GRIK3: variants seen among roughly 807,000 people sequenced by gnomAD.
GRIK3 encodes glutamate ionotropic receptor kainate type subunit 3, also known as glutamate receptor ionotropic, kainate 3.
Under a neutral mutation model 102.5 loss-of-function variants are expected in GRIK3, and 29 were observed. That is an observed-to-expected ratio of 0.28 (90% CI 0.21 to 0.39). The LOEUF is 0.39. Among genes scored for constraint, GRIK3 ranks in the 10% least tolerant of loss-of-function variants. The probability of loss-of-function intolerance (pLI) is 1.00; values close to 1 mark genes in which losing one functional copy is unlikely to be tolerated. For synonymous variants in GRIK3, 511 were observed against 504.9 expected, an observed-to-expected ratio of 1.01 and a Z score of -0.16; for missense variants, 908 against 1,252.4, an observed-to-expected ratio of 0.73 and a Z score of 4.15.
At chr1:36,924,495 A>T (rs377373155) in intron 1 of GRIK3, among the ~76,000 whole-genome samples, 2,259 of 151,848 alleles carry the variant, frequency 0.015, 27 homozygotes, top group South Asian at 0.038. Context: ...TGGAGAGGGG[A>T]GGGGGAGTGG....
intron 3 of GRIK3, among the ~76,000 whole-genome samples, chr1:36,875,567 C>T (rs1310112200): frequency 1.3e-5 from 2 of 152,218 alleles, no homozygotes; most frequent in Non-Finnish European, 2.9e-5. Flanking sequence ...CTCTCTCGCC[C>T]CTCTGCAATT....
intron 1 of GRIK3, among the ~76,000 whole-genome samples, chr1:36,903,041 C>T (rs1232379036): frequency 6.6e-6 from 1 of 152,144 alleles, no homozygotes; most frequent in African/African-American, 2.4e-5. Context: ...CTGTCTGCCT[C>T]GGCCTCCCAA....
At chr1:36,833,690 G>C (rs562947832) in intron 10 of GRIK3, among the ~76,000 whole-genome samples, 61 of 152,350 alleles carry the variant, frequency 4.0e-4, no homozygotes, top group Middle Eastern at 3.4e-3. Flanking sequence ...CGGGGGCAAT[G>C]GTAGTGTGTC....
chr1:36,857,407 T>C (rs529253268), intron 7 of GRIK3, among the ~76,000 whole-genome samples: 1 of 152,318 alleles, frequency 6.6e-6, no homozygotes, highest in Admixed American at 6.5e-5. Context: ...CTGTGCAGTT[T>C]TGAGGGATGG....
intron 1 of GRIK3, among the ~76,000 whole-genome samples, chr1:36,931,643 T>A (rs1182316475): frequency 6.6e-6 from 1 of 151,984 alleles, no homozygotes; most frequent in Non-Finnish European, 1.5e-5. Context: ...AGTAGAAGAG[T>A]GTTTTTCTTT....
chr1:36,898,230 G>T (rs1485394070), intron 1 of GRIK3, among the ~76,000 whole-genome samples: 1 of 152,082 alleles, frequency 6.6e-6, no homozygotes, highest in Non-Finnish European at 1.5e-5. Context: ...GCACAACAGG[G>T]TGACTATAAT....
chr1:37,015,532 AT>A, intron 1 of GRIK3, among the ~76,000 whole-genome samples: 1 of 152,274 alleles, frequency 6.6e-6, no homozygotes, highest in South Asian at 2.1e-4. Flanking sequence ...TGCTTTGTTC[AT>A]TACTAAATCT....
At chr1:36,951,149 A>G (rs1641839383) in intron 1 of GRIK3, among the ~76,000 whole-genome samples, 2 of 152,170 alleles carry the variant, frequency 1.3e-5, no homozygotes, top group South Asian at 4.1e-4. Flanking sequence ...GTTCAGTGTC[A>G]CCTGCTGCAG....
chr1:36,837,517 G>A (rs1370100700), intron 10 of GRIK3, among the ~76,000 whole-genome samples: 1 of 152,088 alleles, frequency 6.6e-6, no homozygotes, highest in East Asian at 1.9e-4. Flanking sequence ...CACTCGCCCT[G>A]TTTGGGTCCC....
chr1:36,967,038 T>G (rs967552485), intron 1 of GRIK3, among the ~76,000 whole-genome samples: 1 of 152,216 alleles, frequency 6.6e-6, no homozygotes, highest in African/African-American at 2.4e-5. Context: ...GAATTATTAC[T>G]AAGTATCAGG....
intron 1 of GRIK3, among the ~76,000 whole-genome samples, chr1:36,925,056 T>G (rs1399435628): frequency 6.6e-6 from 1 of 152,248 alleles, no homozygotes; most frequent in Admixed American, 6.5e-5. Context: ...GACAGTATCA[T>G]GCACCCATTA....
At chr1:36,998,786 A>C (rs1642444897) in intron 1 of GRIK3, among the ~76,000 whole-genome samples, 1 of 152,140 alleles carries the variant, frequency 6.6e-6, no homozygotes, top group South Asian at 2.1e-4. Flanking sequence ...TTTGAATTTC[A>C]GTTTGAGGCA....
chr1:36,859,651 C>G (rs977488730), intron 6 of GRIK3, among the ~76,000 whole-genome samples, 193 bp downstream of exon 6: 1 of 152,186 alleles, frequency 6.6e-6, no homozygotes, highest in African/African-American at 2.4e-5. Flanking sequence ...GGATCCCCAT[C>G]AGATGGGTCC....
chr1:36,825,753 A>G lies in GRIK3; in HGVS notation c.1604T>C (p.Phe535Ser). Reference protein sequence around the residue: ...REKAIDFSKPFMTLGVSILYR... With the variant: ...REKAIDFSKPSMTLGVSILYR... The stretch of plus-strand genomic sequence containing the variant: ...CAGGATGCTCACACCAAGTGTCATG[A>G]AGGGCTTGGAGAAGTCGATGGCCTT... Residue 535 changes from phenylalanine (F) to serine (S), a missense_variant, in exon 11 of 16, where the codon TTC (phenylalanine) becomes TCC (serine). By Grantham distance (155) the Phe-to-Ser change is radical. Coordinates refer to ENST00000373091, the MANE Select transcript of GRIK3 (RefSeq NM_000831.4). The G allele has an allele frequency of 6.2e-7, 1 of 1,614,098 alleles. No homozygotes were observed. Among genetic ancestry groups the G allele is most frequent in the Non-Finnish European group, 8.5e-7 (1 of 1,179,984 alleles).
intron 9 of GRIK3, among the ~76,000 whole-genome samples, chr1:36,845,261 C>T (rs144882393): frequency 3.3e-5 from 5 of 152,314 alleles, no homozygotes; most frequent in South Asian, 2.1e-4. Flanking sequence ...GGCTGCTAAT[C>T]GATTGCTCAG....
chr1:36,873,332 T>C (rs1379692812), intron 3 of GRIK3, among the ~76,000 whole-genome samples: 1 of 152,222 alleles, frequency 6.6e-6, no homozygotes, highest in Non-Finnish European at 1.5e-5. Flanking sequence ...CCACTTAATC[T>C]GAGGACTTCC....
At chr1:36,813,950 G>A (rs551414) in intron 13 of GRIK3, among the ~76,000 whole-genome samples, 2,254 of 152,270 alleles carry the variant, frequency 0.015, 49 homozygotes, top group African/African-American at 0.052. Flanking sequence ...TGACCATAGG[G>A]ACAGGAAGAA....
In GRIK3 at chr1:36,819,633, C is replaced by T; in HGVS notation, c.1873+103G>A. ...TCTGCCGGCTCATCAGGGTCTGAGG[C>T]TACCCCTAGAGGTGTGGGCTGGCTC... On this transcript the variant is annotated intron_variant, in intron 12 of 15. Coordinates refer to ENST00000373091, the MANE Select transcript of GRIK3 (RefSeq NM_000831.4). The surrounding 1 kb of genome is among the most constrained non-coding windows in gnomAD (Gnocchi z 4.1). 1.4e-6 allele frequency: 1 copy of T among 702,374 alleles called. No homozygotes were observed. The highest frequency in any genetic ancestry group is 1.6e-5 in the South Asian group (1 of 61,166). 43.5% of individuals were successfully genotyped at this position (702,374 alleles called of 1,614,324 possible). A position where few individuals can be genotyped will look rare whatever the true frequency, so the allele number is the denominator to read the frequency against.
chr1:36,884,135 C>A (rs530050787), intron 2 of GRIK3, among the ~76,000 whole-genome samples: 1 of 152,102 alleles, frequency 6.6e-6, no homozygotes, highest in Non-Finnish European at 1.5e-5. Flanking sequence ...GCACATACAA[C>A]GGGGGCATGG....
Sources: allele counts gnomAD v4.1 joint callset (sites outside exome capture counted in the v4.1 genomes callset), GRCh38; gene constraint gnomAD v4.1.1; non-coding constraint Gnocchi (gnomAD v3.1); transcripts MANE v1.5; gene names NCBI Gene and HGNC (gene_info 2026-07-23, HGNC 2026-07-21).